MCTS1: variants seen among roughly 807,000 people sequenced by gnomAD.
The protein encoded by MCTS1 is malignant T-cell-amplified sequence 1.
For synonymous variants in MCTS1, 26 were observed against 40.8 expected, an observed-to-expected ratio of 0.64 and a Z score of 1.38; for missense variants, 55 against 128.6, an observed-to-expected ratio of 0.43 and a Z score of 2.77.
intron 3 of MCTS1, among the ~76,000 whole-genome samples, chrX:120,607,664 G>C (rs1385867878): frequency 9.0e-6 from 1 of 111,111 alleles, no homozygotes; most frequent in Non-Finnish European, 1.9e-5. Context: ...GTTTACATTA[G>C]GGTTTACTCT....
chrX:120,613,171 C>T lies in MCTS1; in HGVS notation c.*907C>T, dbSNP rs1926745970. On this transcript the variant is annotated 3_prime_UTR_variant, in exon 6 of 6. Coordinates refer to ENST00000371317, the MANE Select transcript of MCTS1 (RefSeq NM_014060.3). The stretch of plus-strand genomic sequence containing the variant: ...GAACTCTTGGCCTCAAGTGATCCGT[C>T]CCCCTCTGCCTCCCAAAGTGCTGGG... Among the ~76,000 whole-genome samples, 1 of 110,203 alleles carries T rather than the reference C, an allele frequency of 9.1e-6. No homozygotes were observed. Among genetic ancestry groups the T allele is most frequent in the Non-Finnish European group, 1.9e-5 (1 of 52,860 alleles).
At chrX:120,609,766 C>T (rs1434263077) in intron 4 of MCTS1, among the ~76,000 whole-genome samples, 1 of 111,371 alleles carries the variant, frequency 9.0e-6, no homozygotes, top group Non-Finnish European at 1.9e-5. Context: ...TTCCTTAGTA[C>T]CTAGTCTTTA....
In MCTS1 at chrX:120,607,158, T is replaced by A; in HGVS notation, c.262+982T>A. On this transcript the variant is annotated intron_variant, in intron 3 of 5. Coordinates refer to ENST00000371317, the MANE Select transcript of MCTS1 (RefSeq NM_014060.3). ...TTTAAAAATTGATACGTCATAGCTG[T>A]ACATTGTCTGCTGTTGTGGTGCCTG... Among the ~76,000 whole-genome samples the A allele has an allele frequency of 2.7e-5, 3 of 111,247 alleles. No individual in the cohort carries two copies. In the Middle Eastern group the frequency reaches 0.014, roughly 517 times the overall value.
chrX:120,615,954 C>T lies in MCTS1; in HGVS notation c.*3690C>T, dbSNP rs758091969. 1.8e-3 allele frequency among the ~76,000 whole-genome samples: 203 copies of T among 112,631 alleles called. 1 individual carries two copies. Among genetic ancestry groups the T allele is most frequent in the African/African-American group, 6.2e-3 (194 of 31,099 alleles). ...AATAATAATGATATCCAGCCAGGTT[C>T]CCTGTCGTACCCAAATCAGTAACTG... On this transcript the variant is annotated 3_prime_UTR_variant, in exon 6 of 6. Transcript: ENST00000371317.
rs1228453692 is a variant in MCTS1, at chrX:120,604,393, A to T, written c.11+146A>T. On this transcript the variant is annotated intron_variant, in intron 1 of 5. Transcript: ENST00000371317. Reference sequence around the variant, plus strand: ...AGGTTTTCTATAGTACTATGCTCTCACTCCCAACTTGAACACTTCTTTAAG... The same window carrying T: ...AGGTTTTCTATAGTACTATGCTCTCTCTCCCAACTTGAACACTTCTTTAAG... 6 of 729,453 alleles carry T rather than the reference A, an allele frequency of 8.2e-6. No individual in the cohort carries two copies. The East Asian group carries it at 2.3e-4, about 28-fold the overall frequency. 60.1% of individuals were successfully genotyped at this position (729,453 alleles called of 1,213,427 possible).
chrX:120,607,401 T>C, intron 3 of MCTS1, among the ~76,000 whole-genome samples: 1 of 111,761 alleles, frequency 8.9e-6, no homozygotes, highest in Middle Eastern at 4.7e-3. Context: ...TATTGTACTC[T>C]CGAATACTAG....
rs954737756 is a variant in MCTS1 at position 120,616,196 on chromosome X, G to C, written c.*3932G>C. 9.0e-6 allele frequency among the ~76,000 whole-genome samples: 1 copy of C among 111,664 alleles called. No homozygotes were observed. The stretch of plus-strand genomic sequence containing the variant: ...TAATTTTGAGACTATAATTATCAAG[G>C]CTCTTCAAGAAACTCAAAATGATTC... On this transcript the variant is annotated 3_prime_UTR_variant, in exon 6 of 6. Transcript: ENST00000371317.
intron 1 of MCTS1, chrX:120,604,653 C>T: frequency 9.7e-7 from 1 of 1,029,766 alleles, no homozygotes; most frequent in Non-Finnish European, 1.2e-6. Flanking sequence ...GCTTGACTTC[C>T]TGGGTCATGG....
chrX:120,610,195 G>A (rs773158864), intron 4 of MCTS1, among the ~76,000 whole-genome samples: 5 of 110,784 alleles, frequency 4.5e-5, no homozygotes, highest in African/African-American at 9.9e-5. Context: ...GGTGGCATGC[G>A]CCTGTAATCC....
chrX:120,604,159 G>T lies in MCTS1; in HGVS notation c.-78G>T, dbSNP rs774287286. ...AGTGCCGGCCTTCCTCGTGTGAGGGGATCTGCCGGACCCCTGCAAATTCAA... is the reference window on the plus strand; with the variant it reads ...AGTGCCGGCCTTCCTCGTGTGAGGGTATCTGCCGGACCCCTGCAAATTCAA... On this transcript the variant is annotated 5_prime_UTR_variant, in exon 1 of 6. Coordinates refer to ENST00000371317, the MANE Select transcript of MCTS1 (RefSeq NM_014060.3). The T allele has an allele frequency of 2.7e-5, 31 of 1,134,011 alleles. No individual in the cohort carries two copies. The highest frequency in any genetic ancestry group is 8.9e-5 in the Admixed American group (4 of 44,708). 93.5% of individuals were successfully genotyped at this position (1,134,011 alleles called of 1,213,427 possible).
At chrX:120,604,524 C>T (rs1042536709) in intron 1 of MCTS1, 3 of 586,320 alleles carry the variant, frequency 5.1e-6, no homozygotes, top group Non-Finnish European at 7.5e-6. Flanking sequence ...TGTCTCCATT[C>T]CTAGGGTTCT....
chrX:120,609,725 A>G (rs1422095316), intron 4 of MCTS1, among the ~76,000 whole-genome samples: 1 of 111,856 alleles, frequency 8.9e-6, no homozygotes, highest in African/African-American at 3.2e-5. Context: ...TGGTAAATTT[A>G]TAGTTCTGGA....
chrX:120,604,366 T>G, intron 1 of MCTS1, 119 bp downstream of exon 1: 1 of 955,639 alleles, frequency 1.0e-6, no homozygotes, highest in South Asian at 2.2e-5. Flanking sequence ...CCTGACTCCC[T>G]AAGGTTTTCT....
At chrX:120,608,543 A>C (rs757649550) in intron 4 of MCTS1, 185 bp downstream of exon 4, 13 of 439,360 alleles carry the variant, frequency 3.0e-5, no homozygotes, top group Non-Finnish European at 4.5e-5. Context: ...CTACTAAATT[A>C]TCTCATCTTA....
intron 4 of MCTS1, among the ~76,000 whole-genome samples, chrX:120,609,543 C>T (rs765160536): frequency 1.3e-4 from 14 of 111,129 alleles, no homozygotes; most frequent in African/African-American, 4.6e-4. Flanking sequence ...GCAGTTATAG[C>T]GAAGAGGTAG....
chrX:120,607,486 A>G (rs1346212249), intron 3 of MCTS1, among the ~76,000 whole-genome samples: 1 of 111,214 alleles, frequency 9.0e-6, no homozygotes, highest in East Asian at 2.8e-4. Flanking sequence ...TTAAATTAAC[A>G]GGCTTTTATT....
Position 120,620,126 on chromosome X carries a change from G to A in MCTS1, c.*7862G>A, listed in dbSNP as rs763146086. ...GGAGATCGAGACCATCCTGGCTAAC[G>A]TGAAACCCCGTCTATACTAAAAATA... On this transcript the variant is annotated 3_prime_UTR_variant, in exon 6 of 6. Transcript: ENST00000371317. 4.5e-4 allele frequency among the ~76,000 whole-genome samples: 49 copies of A among 108,962 alleles called. No homozygotes were observed. In the East Asian group the frequency reaches 9.1e-3, roughly 20 times the overall value. The allele number at this position is 108,962 out of a possible 115,157, so 94.6% of individuals were successfully genotyped here.
intron 4 of MCTS1, among the ~76,000 whole-genome samples, chrX:120,609,448 G>T (rs2147373789): frequency 8.9e-6 from 1 of 111,738 alleles, no homozygotes; most frequent in Non-Finnish European, 1.9e-5. Flanking sequence ...CTCCCAAAGT[G>T]CTGGGATTAC....
chrX:120,612,137 TA>T, intron 5 of MCTS1, 45 bp from the exon 6 acceptor site: 1 of 942,355 alleles, frequency 1.1e-6, no homozygotes, highest in Non-Finnish European at 1.5e-6. Context: ...AGTAAGACTA[TA>T]AAAATGCATA....
Sources: gnomAD v4.1 joint callset for allele counts (sites outside exome capture counted in the v4.1 genomes callset) on GRCh38, gnomAD v4.1.1 for gene constraint, MANE v1.5 for transcripts, NCBI Gene and HGNC (gene_info 2026-07-23, HGNC 2026-07-21) for gene names.